The following RYR2 variants were observed in gnomAD, a reference collection of about 807,000 sequenced individuals.
RYR2 encodes ryanodine receptor 2, also known as cardiac muscle ryanodine receptor-calcium release channel.
A neutral mutation model predicts 601.1 loss-of-function variants in RYR2; 227 were observed. The ratio of observed to expected loss-of-function variants is 0.38; its 90% CI spans 0.34 to 0.42. RYR2 has a LOEUF of 0.42. Among genes scored for constraint, RYR2 ranks in the 10% least tolerant of loss-of-function variants. RYR2 has a pLI of 1.00. For missense variants in RYR2, 4,646 were observed against 6,156.5 expected (o/e 0.75, Z 8.21); for synonymous variants, 2,223 against 2,175.1 (o/e 1.02, Z -0.61).
intron 76 of RYR2, among the ~76,000 whole-genome samples, chr1:237,727,670 T>C (rs1354851273): frequency 1.3e-5 from 2 of 152,152 alleles, no homozygotes; most frequent in Non-Finnish European, 2.9e-5. Flanking sequence ...TGCTTAGAAG[T>C]GAGCTAGTAG....
chr1:237,305,011 C>G lies in RYR2; in HGVS notation c.169-25867C>G, dbSNP rs7530279. Among the ~76,000 whole-genome samples, 1,180 of 152,296 alleles carry G rather than the reference C, an allele frequency of 7.7e-3. 15 individuals are homozygous for G. Among genetic ancestry groups the G allele is most frequent in the African/African-American group, 0.027 (1,107 of 41,560 alleles). ...AAAAATTAAAAGCACAACGAGGTAT[C>G]ATTTCACAGATTGGAATGTGGAGCA... On this transcript the variant is annotated intron_variant, in intron 2 of 104. Transcript: ENST00000366574.
chr1:237,593,353 G>A (rs1321505296), intron 32 of RYR2, 123 bp from the exon 33 acceptor site: 7 of 871,652 alleles, frequency 8.0e-6, no homozygotes, highest in African/African-American at 1.7e-5. Flanking sequence ...TCACCCAAAC[G>A]GTTTTAAACC....
At chr1:237,332,617 A>G (rs1219168838) in intron 3 of RYR2, among the ~76,000 whole-genome samples, 5 of 152,172 alleles carry the variant, frequency 3.3e-5, no homozygotes, top group Admixed American at 2.0e-4. Flanking sequence ...ATAAAGAAAG[A>G]TCATTTTTAT....
At position 237,358,754 on chromosome 1, in the gene RYR2, C is replaced by A. The variant is rs562380550; in HGVS notation, c.294+2769C>A. ...TACACCCAGCCTTTTGCCTCTCAAT[C>A]TCCAGGCATAGTAAGACACCAGTCT... On this transcript the variant is annotated intron_variant, in intron 4 of 104. Transcript: ENST00000366574. Among the ~76,000 whole-genome samples, 104 of 152,094 alleles carry A rather than the reference C, an allele frequency of 6.8e-4. No individual in the cohort carries two copies. In the Middle Eastern group the frequency reaches 0.01, roughly 15 times the overall value.
rs1553298408 is a variant in RYR2 at position 237,106,895 on chromosome 1, T to C, written c.48+64326T>C. 6.6e-6 allele frequency among the ~76,000 whole-genome samples: 1 copy of C among 152,096 alleles called. No individual in the cohort carries two copies. The highest frequency in any genetic ancestry group is 1.5e-5 in the Non-Finnish European group (1 of 68,026). On this transcript the variant is annotated intron_variant, in intron 1 of 104. Coordinates refer to ENST00000366574, the MANE Select transcript of RYR2 (RefSeq NM_001035.3). The surrounding 1 kb of genome is among the most constrained non-coding windows in gnomAD (Gnocchi z 4.4). ...GAAGGGACAAAGGAGCTCTCTGAAG[T>C]CCCTTTGTAAAGGGCAGTAATCACC...
intron 2 of RYR2, among the ~76,000 whole-genome samples, chr1:237,285,775 T>C (rs1691494849): frequency 6.6e-6 from 1 of 152,206 alleles, no homozygotes; most frequent in African/African-American, 2.4e-5. Flanking sequence ...TTTCCAGGAA[T>C]TCATCTGTCT....
At chr1:237,094,872 T>A (rs9428375) in intron 1 of RYR2, among the ~76,000 whole-genome samples, 64,473 of 152,090 alleles carry the variant, frequency 0.42, 14,527 homozygotes, top group South Asian at 0.6. Context: ...ATTACAGGTG[T>A]GAGCCACCGC....
chr1:237,637,339 T>G (rs1558112401), intron 44 of RYR2, among the ~76,000 whole-genome samples: 1 of 152,222 alleles, frequency 6.6e-6, no homozygotes, highest in Non-Finnish European at 1.5e-5. Context: ...TAAGGATTTC[T>G]TTTAAAATTG....
chr1:237,445,247 T>C (rs116532651), intron 13 of RYR2, among the ~76,000 whole-genome samples, 154 bp from the exon 14 acceptor site: 9 of 152,322 alleles, frequency 5.9e-5, no homozygotes, highest in African/African-American at 1.9e-4. Flanking sequence ...GCTGTGCATA[T>C]GATTTTATCT....
At chr1:237,052,794 A>G (rs1026188122) in intron 1 of RYR2, among the ~76,000 whole-genome samples, 26 of 152,080 alleles carry the variant, frequency 1.7e-4, no homozygotes, top group Non-Finnish European at 2.9e-5. Flanking sequence ...ACACACACGC[A>G]TTGCATACAC....
At chr1:237,336,916 A>G (rs1697295904) in intron 3 of RYR2, among the ~76,000 whole-genome samples, 1 of 151,456 alleles carries the variant, frequency 6.6e-6, no homozygotes, top group African/African-American at 2.4e-5. Context: ...TTCTTTTTAT[A>G]AAACCCCTAT....
At chr1:237,772,748 G>A (rs1369270953) in intron 86 of RYR2, among the ~76,000 whole-genome samples, 1 of 148,396 alleles carries the variant, frequency 6.7e-6, no homozygotes, top group African/African-American at 2.6e-5. Flanking sequence ...ATCTTTGAGT[G>A]TGTAAAATCA....
chr1:237,629,293 G>A (rs1680011486), intron 41 of RYR2, among the ~76,000 whole-genome samples: 1 of 151,846 alleles, frequency 6.6e-6, no homozygotes, highest in Non-Finnish European at 1.5e-5. Context: ...TTTTTTTGTG[G>A]TACAGCAAAA....
chr1:237,645,776 A>G (rs1200178933), intron 48 of RYR2, among the ~76,000 whole-genome samples: 1 of 152,014 alleles, frequency 6.6e-6, no homozygotes, highest in East Asian at 1.9e-4. Flanking sequence ...CGGGAGTCAC[A>G]GTGGTTTGTG....
intron 66 of RYR2, among the ~76,000 whole-genome samples, chr1:237,704,729 G>A (rs1310144856): frequency 6.6e-6 from 1 of 151,044 alleles, no homozygotes; most frequent in Non-Finnish European, 1.5e-5. Context: ...TAAAGTGATT[G>A]GGGAAACAAA....
At chr1:237,209,742 G>C (rs1682358757) in intron 1 of RYR2, among the ~76,000 whole-genome samples, 1 of 151,994 alleles carries the variant, frequency 6.6e-6, no homozygotes, top group Non-Finnish European at 1.5e-5. Flanking sequence ...TATAGTTTCA[G>C]CTACTTGGGA....
intron 80 of RYR2, among the ~76,000 whole-genome samples, chr1:237,749,116 A>G (rs1268936375): frequency 6.6e-6 from 1 of 152,218 alleles, no homozygotes; most frequent in African/African-American, 2.4e-5. Flanking sequence ...ATATTTGTGC[A>G]CTTTTCATGT....
At chr1:237,720,725 C>CAAA (rs1398869911) in intron 73 of RYR2, among the ~76,000 whole-genome samples, 1 of 152,130 alleles carries the variant, frequency 6.6e-6, no homozygotes, top group African/African-American at 2.4e-5. Flanking sequence ...TTATCTAGTT[C>CAAA]AACAATTACT....
intron 96 of RYR2, among the ~76,000 whole-genome samples, chr1:237,797,604 C>T (rs148193230): frequency 2.7e-4 from 41 of 152,332 alleles, no homozygotes; most frequent in African/African-American, 9.4e-4. Flanking sequence ...AACTTAGGCA[C>T]ATTACATGAA....
Sources: gnomAD v4.1 joint callset for allele counts (sites outside exome capture counted in the v4.1 genomes callset) on GRCh38, gnomAD v4.1.1 for gene constraint, Gnocchi (gnomAD v3.1) non-coding constraint, MANE v1.5 for transcripts, NCBI Gene and HGNC (gene_info 2026-07-23, HGNC 2026-07-21) for gene names.